Variants in ADGRL3 observed in about 807,000 individuals in gnomAD.
ADGRL3 encodes the protein adhesion G protein-coupled receptor L3, also known as calcium-independent alpha-latrotoxin receptor 3.
In ADGRL3, 62 loss-of-function variants were observed where a neutral mutation model predicts 153.5. The ratio of observed to expected loss-of-function variants is 0.40; its 90% CI spans 0.33 to 0.50. The LOEUF (loss-of-function observed/expected upper bound fraction) is 0.50. Ranked by LOEUF, ADGRL3 falls within the 20% of genes least tolerant of loss-of-function variation. The pLI is 0.47. For synonymous variants in ADGRL3, 710 were observed against 672.5 expected, an observed-to-expected ratio of 1.06 and a Z score of -0.86; for missense variants, 1,641 against 1,859.4, an observed-to-expected ratio of 0.88 and a Z score of 2.16.
At chr4:61,724,179 G>T (rs2096286763) in intron 6 of ADGRL3, among the ~76,000 whole-genome samples, 2 of 152,134 alleles carry the variant, frequency 1.3e-5, no homozygotes, top group Non-Finnish European at 2.9e-5. Flanking sequence ...TCATATAGTA[G>T]TAACAAATCA....
intron 3 of ADGRL3, among the ~76,000 whole-genome samples, chr4:61,501,925 C>T (rs1441667145): frequency 1.3e-5 from 2 of 152,062 alleles, no homozygotes; most frequent in African/African-American, 2.4e-5. Context: ...TTCTCTTTTT[C>T]TGTTTTCCAT....
intron 4 of ADGRL3, among the ~76,000 whole-genome samples, chr4:61,580,556 A>G (rs914055798): frequency 2.0e-5 from 3 of 152,104 alleles, no homozygotes; most frequent in East Asian, 3.9e-4. Flanking sequence ...GCTTAAAACA[A>G]TAAACATTTA....
At chr4:61,263,043 A>G (rs1159251686) in intron 1 of ADGRL3, among the ~76,000 whole-genome samples, 1 of 152,086 alleles carries the variant, frequency 6.6e-6, no homozygotes, top group Non-Finnish European at 1.5e-5. Flanking sequence ...TGAAAATTTC[A>G]TATTTGTGAT....
intron 25 of ADGRL3, among the ~76,000 whole-genome samples, chr4:62,061,593 A>C (rs1243327860): frequency 2.0e-5 from 3 of 152,030 alleles, no homozygotes; most frequent in African/African-American, 4.8e-5. Context: ...TTGTCCTTTC[A>C]TGACAATACT....
At chr4:61,336,417 A>G (rs1408486994) in intron 1 of ADGRL3, among the ~76,000 whole-genome samples, 1 of 152,150 alleles carries the variant, frequency 6.6e-6, no homozygotes, top group Non-Finnish European at 1.5e-5. Flanking sequence ...GCAGTCCTGG[A>G]AGGTCTGTGA....
chr4:62,019,565 C>G (rs115579372), intron 21 of ADGRL3, among the ~76,000 whole-genome samples: 1,852 of 151,972 alleles, frequency 0.012, 43 homozygotes, highest in African/African-American at 0.043. Context: ...TTCTCATTGA[C>G]TTTTTTAAGA....
At chr4:61,259,394 G>T (rs558512356) in intron 1 of ADGRL3, among the ~76,000 whole-genome samples, 4 of 151,700 alleles carry the variant, frequency 2.6e-5, no homozygotes, top group Non-Finnish European at 5.9e-5. Flanking sequence ...CTGCACTCCA[G>T]CCTGGGCGAC....
rs565277013 is a variant in ADGRL3 at position 61,885,600 on chromosome 4, T to G, written c.1481-7056T>G. ...AGTTCCCAGCAGGTCTGGACCATAG[T>G]AACGCCTATAAAAGCATATGTGAGC... On this transcript the variant is annotated intron_variant, in intron 9 of 26. Coordinates refer to ENST00000683033, the MANE Select transcript of ADGRL3 (RefSeq NM_001387552.1). Among the ~76,000 whole-genome samples, 4 of 152,330 alleles carry G rather than the reference T, an allele frequency of 2.6e-5. No homozygotes were observed. The East Asian group carries it at 7.7e-4, about 29-fold the overall frequency.
intron 25 of ADGRL3, among the ~76,000 whole-genome samples, chr4:62,055,347 G>T (rs1305598447): frequency 6.6e-6 from 1 of 151,670 alleles, no homozygotes; most frequent in Non-Finnish European, 1.5e-5. Context: ...CATACTAATG[G>T]ATTCCCAGTG....
chr4:61,348,116 A>C (rs2095961722), intron 1 of ADGRL3, among the ~76,000 whole-genome samples: 1 of 152,100 alleles, frequency 6.6e-6, no homozygotes, highest in Admixed American at 6.5e-5. Flanking sequence ...TTGAAAAAAT[A>C]AAACGTAGAT....
chr4:61,572,682 C>T (rs1235109870), intron 4 of ADGRL3, among the ~76,000 whole-genome samples: 2 of 151,870 alleles, frequency 1.3e-5, no homozygotes, highest in African/African-American at 4.8e-5. Flanking sequence ...TCTCAAAATA[C>T]TATAAATTAA....
chr4:61,453,065 T>A (rs1245283768), intron 2 of ADGRL3, among the ~76,000 whole-genome samples: 2 of 151,832 alleles, frequency 1.3e-5, no homozygotes, highest in African/African-American at 2.4e-5. Flanking sequence ...TATAATAGAG[T>A]AATTGTAAAG....
At chr4:61,496,706 C>A (rs531908255) in intron 2 of ADGRL3, among the ~76,000 whole-genome samples, 1 of 152,072 alleles carries the variant, frequency 6.6e-6, no homozygotes, top group South Asian at 2.1e-4. Flanking sequence ...CTTTGGGAGG[C>A]CCAGGATGGC....
intron 2 of ADGRL3, among the ~76,000 whole-genome samples, chr4:61,471,142 TATAGTA>T (rs1200085544): frequency 6.6e-6 from 1 of 151,854 alleles, no homozygotes; most frequent in Non-Finnish European, 1.5e-5. Context: ...AATTGTATCT[TATAGTA>T]ATATGCTTCT....
chr4:61,298,530 A>G (rs924490368), intron 1 of ADGRL3, among the ~76,000 whole-genome samples: 2 of 152,194 alleles, frequency 1.3e-5, no homozygotes, highest in South Asian at 4.1e-4. Context: ...CACAAATTCC[A>G]GAGCCATTCA....
intron 5 of ADGRL3, among the ~76,000 whole-genome samples, chr4:61,624,370 AG>A (rs1365461269): frequency 6.6e-6 from 1 of 152,138 alleles, no homozygotes; most frequent in African/African-American, 2.4e-5. Flanking sequence ...ATAGAAAATG[AG>A]GCCATGAGAT....
At chr4:61,456,453 CTATATATATAGATATATCTATATCTA>C (rs1560665087) in intron 2 of ADGRL3, among the ~76,000 whole-genome samples, 2 of 97,810 alleles carry the variant, frequency 2.0e-5, no homozygotes, top group Non-Finnish European at 3.9e-5. Flanking sequence ...ATATCTATAT[CTATATATATAGATATATCTATATCTA>C]TATATATAGA....
intron 1 of ADGRL3, among the ~76,000 whole-genome samples, chr4:61,263,700 G>A (rs1462348810): frequency 6.6e-6 from 1 of 151,914 alleles, no homozygotes; most frequent in Non-Finnish European, 1.5e-5. Context: ...TTCAAGTTCT[G>A]TCCATCAAAA....
At chr4:61,674,058 G>T (rs140161314) in intron 5 of ADGRL3, among the ~76,000 whole-genome samples, 1 of 151,158 alleles carries the variant, frequency 6.6e-6, no homozygotes, top group East Asian at 1.9e-4. Context: ...ACAACAGATC[G>T]TTGCTTTTAT....
Sources: allele counts gnomAD v4.1 joint callset (sites outside exome capture counted in the v4.1 genomes callset), GRCh38; gene constraint gnomAD v4.1.1; transcripts MANE v1.5; gene names NCBI Gene and HGNC (gene_info 2026-07-23, HGNC 2026-07-21).